LRP12: variants seen among roughly 807,000 people sequenced by gnomAD.
The protein encoded by LRP12 is low-density lipoprotein receptor-related protein 12.
A neutral mutation model predicts 66.0 loss-of-function variants in LRP12; 14 were observed. The observed-to-expected ratio is 0.21, with a 90% CI of 0.14 to 0.33. The LOEUF (loss-of-function observed/expected upper bound fraction) is 0.33, where lower values mean the gene tolerates loss of function less well. Among genes scored for constraint, LRP12 ranks in the 10% least tolerant of loss-of-function variants. The pLI, the probability that LRP12 is intolerant of heterozygous loss-of-function variation, is 1.00. For synonymous variants in LRP12, 357 were observed against 359.1 expected (o/e 0.99, Z 0.07); for missense variants, 889 against 1,053.4 (o/e 0.84, Z 2.16).
At chr8:104,524,023 A>T (rs1339530076) in intron 2 of LRP12, among the ~76,000 whole-genome samples, 1 of 152,086 alleles carries the variant, frequency 6.6e-6, no homozygotes, top group Non-Finnish European at 1.5e-5. Flanking sequence ...AGGTGGGCAG[A>T]TCACTTGCAC....
rs186127441 is a variant in LRP12, at chr8:104,491,151, C to A, written c.2102G>T (p.Arg701Leu). 3 of 1,614,100 alleles carry A rather than the reference C, an allele frequency of 1.9e-6. No homozygotes were observed. The highest frequency in any genetic ancestry group is 1.7e-5 in the Admixed American group (1 of 60,014). ...ACASSSTQST[R>L]GGHADNGRDV... Reference sequence around the variant, plus strand: ...CCTTCCATTATCTGCATGACCACCTCGGGTACTCTGAGTTGAGGAACTTGC... The same window carrying A: ...CCTTCCATTATCTGCATGACCACCTAGGGTACTCTGAGTTGAGGAACTTGC... The change falls in exon 7 of 7, where the codon CGA (arginine) becomes CTA (leucine). Residue 701 changes from arginine (R) to leucine (L), a missense_variant. Physicochemically the swap from Arg to Leu is moderately radical, Grantham distance 102 (BLOSUM62 -2). Transcript: ENST00000276654.
chr8:104,562,721 T>A (rs528252985), intron 1 of LRP12, among the ~76,000 whole-genome samples: 2 of 152,290 alleles, frequency 1.3e-5, no homozygotes, highest in African/African-American at 4.8e-5. Context: ...AAATTGTCTT[T>A]TGTCCATCTA....
chr8:104,496,930 CCTG>C, intron 5 of LRP12, 39 bp downstream of exon 5: 1 of 1,463,116 alleles, frequency 6.8e-7, no homozygotes, highest in Non-Finnish European at 9.0e-7. Flanking sequence ...AACACTTGGG[CCTG>C]CTTTTATTGA....
chr8:104,547,743 T>G (rs925655511), intron 1 of LRP12, among the ~76,000 whole-genome samples: 1 of 124,854 alleles, frequency 8.0e-6, no homozygotes, highest in African/African-American at 3.2e-5. Context: ...ATATAATATA[T>G]AATCATATAT....
chr8:104,540,013 A>G (rs1165102473), intron 1 of LRP12, among the ~76,000 whole-genome samples: 1 of 152,144 alleles, frequency 6.6e-6, no homozygotes, highest in Non-Finnish European at 1.5e-5. Context: ...CAGGCCTAAC[A>G]TCTAGAATCA....
At chr8:104,563,446 G>A (rs1416467495) in intron 1 of LRP12, among the ~76,000 whole-genome samples, 4 of 151,930 alleles carry the variant, frequency 2.6e-5, no homozygotes, top group South Asian at 4.2e-4. Context: ...TTATATATTT[G>A]TTAATAATGA....
At chr8:104,583,881 T>C (rs183731108) in intron 1 of LRP12, among the ~76,000 whole-genome samples, 182 of 152,314 alleles carry the variant, frequency 1.2e-3, no homozygotes, top group Admixed American at 2.0e-3. Flanking sequence ...TATTAAGTAC[T>C]TGTAAGTAAA....
At chr8:104,542,874 G>A (rs1332067927) in intron 1 of LRP12, among the ~76,000 whole-genome samples, 1 of 151,834 alleles carries the variant, frequency 6.6e-6, no homozygotes, top group African/African-American at 2.4e-5. Flanking sequence ...AGTAGGCAGA[G>A]GAGGAGGAGG....
chr8:104,521,150 G>C (rs1216941647), intron 2 of LRP12, among the ~76,000 whole-genome samples: 12 of 151,720 alleles, frequency 7.9e-5, no homozygotes, highest in Non-Finnish European at 1.5e-4. Context: ...TCAAATTCTG[G>C]AATATGTACA....
chr8:104,552,088 G>A (rs1811734233), intron 1 of LRP12, among the ~76,000 whole-genome samples: 1 of 152,152 alleles, frequency 6.6e-6, no homozygotes. Flanking sequence ...AGCCACAAGT[G>A]GAAGATTTCA....
intron 1 of LRP12, among the ~76,000 whole-genome samples, chr8:104,571,442 A>C (rs1460953427): frequency 1.3e-5 from 2 of 152,146 alleles, no homozygotes; most frequent in East Asian, 3.9e-4. Context: ...AGGTAACTGA[A>C]TCATGGGGGT....
At chr8:104,494,926 C>T in intron 6 of LRP12, 151 bp downstream of exon 6, 1 of 614,160 alleles carries the variant, frequency 1.6e-6, no homozygotes, top group East Asian at 2.7e-5. Context: ...TAGTGTTAAA[C>T]TATAATGAAA....
At chr8:104,567,852 T>C (rs373939564) in intron 1 of LRP12, among the ~76,000 whole-genome samples, 2 of 152,222 alleles carry the variant, frequency 1.3e-5, no homozygotes, top group South Asian at 2.1e-4. Context: ...TTGACAAATA[T>C]GCTCTACAGA....
chr8:104,582,698 A>G (rs1425274502), intron 1 of LRP12, among the ~76,000 whole-genome samples: 1 of 152,156 alleles, frequency 6.6e-6, no homozygotes, highest in Non-Finnish European at 1.5e-5. Context: ...ATTTAAGTCC[A>G]TCTCTTCCTG....
intron 2 of LRP12, among the ~76,000 whole-genome samples, chr8:104,517,709 G>A (rs1219306212): frequency 1.3e-5 from 2 of 152,026 alleles, no homozygotes; most frequent in African/African-American, 4.8e-5. Context: ...TCAGAGTACT[G>A]TATAGAGTGT....
chr8:104,541,701 T>A (rs1811480265), intron 1 of LRP12, among the ~76,000 whole-genome samples: 1 of 152,120 alleles, frequency 6.6e-6, no homozygotes, highest in African/African-American at 2.4e-5. Flanking sequence ...GTAATCTAGT[T>A]TTTCTGTCTG....
At position 104,495,200 on chromosome 8, in the gene LRP12, T is replaced by C; in HGVS notation, c.1590A>G (p.Glu530=). 1 of 1,613,010 alleles carries C rather than the reference T, an allele frequency of 6.2e-7. No individual in the cohort carries two copies. Among genetic ancestry groups the C allele is most frequent in the Non-Finnish European group, 8.5e-7 (1 of 1,179,612 alleles). The change falls in exon 6 of 7, where the codon GAA becomes GAG. Residue 530 remains glutamate (E), a synonymous_variant. Transcript: ENST00000276654. ...CTGCTTCCACTCTTGACAACTGTGT[T>C]TCAAATGATCTTTGAGAGTAGATGG... ...SLRMFERRSF[E]TQLSRVEAEL... is the part of the protein sequence containing the mutation.
chr8:104,532,790 A>AC (rs1414088243), intron 1 of LRP12, among the ~76,000 whole-genome samples: 3 of 151,846 alleles, frequency 2.0e-5, no homozygotes, highest in African/African-American at 4.8e-5. Flanking sequence ...ATTGTATTGC[A>AC]CCCCCCACCC....
At chr8:104,519,546 C>T (rs937003261) in intron 2 of LRP12, among the ~76,000 whole-genome samples, 1 of 151,936 alleles carries the variant, frequency 6.6e-6, no homozygotes, top group Non-Finnish European at 1.5e-5. Flanking sequence ...TTCCTGTGAG[C>T]ATCATGTCAG....
Sources: gnomAD v4.1 joint callset for allele counts (sites outside exome capture counted in the v4.1 genomes callset) on GRCh38, gnomAD v4.1.1 for gene constraint, MANE v1.5 for transcripts, NCBI Gene and HGNC (gene_info 2026-07-23, HGNC 2026-07-21) for gene names.